The following PTPRD variants were observed in gnomAD, a reference collection of about 807,000 sequenced individuals.
PTPRD encodes the protein protein tyrosine phosphatase receptor type D.
A neutral mutation model predicts 214.5 loss-of-function variants in PTPRD; 34 were observed. The ratio of observed to expected loss-of-function variants is 0.16; its 90% CI spans 0.12 to 0.21. The LOEUF is 0.21. PTPRD is among the 10% of genes least tolerant of loss of function. PTPRD has a pLI of 1.00. For missense variants in PTPRD, 2,545 were observed against 2,398.7 expected (o/e 1.06, Z -1.27); for synonymous variants, 1,128 against 845.7 (o/e 1.33, Z -5.79).
At chr9:8,468,997 C>T (rs911191514) in intron 31 of PTPRD, among the ~76,000 whole-genome samples, 1 of 151,914 alleles carries the variant, frequency 6.6e-6, no homozygotes, top group East Asian at 1.9e-4. Context: ...TATCTTATTT[C>T]TTCCACCATT....
chr9:8,732,241 T>C (rs1406934864), intron 12 of PTPRD, among the ~76,000 whole-genome samples: 2 of 152,224 alleles, frequency 1.3e-5, no homozygotes, highest in East Asian at 3.8e-4. Flanking sequence ...CACTCCTCAG[T>C]AGAAGAACAT....
intron 4 of PTPRD, among the ~76,000 whole-genome samples, chr9:10,017,087 C>G (rs955947264): frequency 4.6e-5 from 7 of 152,166 alleles, no homozygotes; most frequent in Admixed American, 4.6e-4. Context: ...TACATTCCCA[C>G]CAGTAATGTG....
intron 3 of PTPRD, among the ~76,000 whole-genome samples, chr9:10,215,221 C>T (rs1033329543): frequency 6.6e-6 from 1 of 151,264 alleles, no homozygotes; most frequent in African/African-American, 2.4e-5. Context: ...CAGACCTACA[C>T]AGACTGAAGA....
At chr9:9,490,613 G>A (rs1013065064) in intron 8 of PTPRD, among the ~76,000 whole-genome samples, 7 of 151,870 alleles carry the variant, frequency 4.6e-5, no homozygotes, top group South Asian at 2.1e-4. Context: ...GCTTTTAAAG[G>A]AGCAGAACTT....
chr9:9,432,735 T>G (rs1358698170), intron 8 of PTPRD, among the ~76,000 whole-genome samples: 1 of 152,226 alleles, frequency 6.6e-6, no homozygotes, highest in Non-Finnish European at 1.5e-5. Flanking sequence ...TATCATTTAA[T>G]GAATAATGAA....
At chr9:8,775,640 C>A (rs755779605) in intron 11 of PTPRD, among the ~76,000 whole-genome samples, 1 of 152,146 alleles carries the variant, frequency 6.6e-6, no homozygotes, top group Non-Finnish European at 1.5e-5. Context: ...ACTGCATGGG[C>A]ATTTTGCATG....
intron 10 of PTPRD, among the ~76,000 whole-genome samples, chr9:9,043,567 G>A (rs553778403): frequency 2.6e-5 from 4 of 152,158 alleles, no homozygotes; most frequent in East Asian, 1.9e-4. Context: ...AAGAAAAATG[G>A]TCTGACTTTG....
intron 2 of PTPRD, among the ~76,000 whole-genome samples, chr9:10,451,689 T>C (rs964727773): frequency 6.6e-6 from 1 of 150,380 alleles, no homozygotes; most frequent in Non-Finnish European, 1.5e-5. Flanking sequence ...CCTTGTTATA[T>C]TGAAGTCTGT....
intron 5 of PTPRD, among the ~76,000 whole-genome samples, chr9:9,924,368 G>C (rs1279046593): frequency 1.3e-5 from 2 of 152,006 alleles, no homozygotes; most frequent in African/African-American, 4.8e-5. Context: ...GCATAGAGAA[G>C]TGTCAAACAA....
chr9:9,522,157 C>CAAAAAA (rs770450649), intron 8 of PTPRD, among the ~76,000 whole-genome samples: 5 of 40,362 alleles, frequency 1.2e-4, no homozygotes, highest in Admixed American at 2.4e-4. Context: ...ATCTCCATCT[C>CAAAAAA]AAAAAAAAAA....
chr9:10,319,742 GACTAAT>G (rs2096519156), intron 3 of PTPRD, among the ~76,000 whole-genome samples: 1 of 151,856 alleles, frequency 6.6e-6, no homozygotes, highest in South Asian at 2.1e-4. Context: ...TATTAATAAA[GACTAAT>G]TTATAGCAAT....
intron 9 of PTPRD, among the ~76,000 whole-genome samples, chr9:9,224,676 C>A (rs2099958279): frequency 6.6e-6 from 1 of 151,904 alleles, no homozygotes; most frequent in Non-Finnish European, 1.5e-5. Flanking sequence ...TAGTTTATTT[C>A]ATCCATTAAT....
chr9:9,388,693 C>G (rs2064762865), intron 9 of PTPRD, among the ~76,000 whole-genome samples: 1 of 151,998 alleles, frequency 6.6e-6, no homozygotes, highest in Non-Finnish European at 1.5e-5. Context: ...TGAAATCTGC[C>G]ATAAAAAAAT....
At chr9:9,962,167 C>A (rs890930823) in intron 4 of PTPRD, among the ~76,000 whole-genome samples, 1 of 151,990 alleles carries the variant, frequency 6.6e-6, no homozygotes, top group African/African-American at 2.4e-5. Flanking sequence ...TTTCTAAAAT[C>A]ACAAACCAAG....
At chr9:9,309,975 A>G (rs1043492636) in intron 9 of PTPRD, among the ~76,000 whole-genome samples, 1 of 152,078 alleles carries the variant, frequency 6.6e-6, no homozygotes, top group Admixed American at 6.6e-5. Flanking sequence ...CATAGGATTA[A>G]GTTTAAAATC....
intron 8 of PTPRD, among the ~76,000 whole-genome samples, chr9:9,498,973 C>T (rs2096299231): frequency 6.6e-6 from 1 of 151,958 alleles, no homozygotes; most frequent in South Asian, 2.1e-4. Flanking sequence ...CTCTCACTTG[C>T]TCTTGCTGTC....
chr9:9,931,314 C>G (rs2086430590), intron 5 of PTPRD, among the ~76,000 whole-genome samples: 1 of 152,168 alleles, frequency 6.6e-6, no homozygotes, highest in Non-Finnish European at 1.5e-5. Flanking sequence ...ATCTGAGGTA[C>G]AGGGTTCATC....
intron 9 of PTPRD, among the ~76,000 whole-genome samples, chr9:9,222,702 T>G (rs1196430057): frequency 6.6e-6 from 1 of 152,054 alleles, no homozygotes; most frequent in Non-Finnish European, 1.5e-5. Context: ...TTATCAGTCT[T>G]CAAACTATTA....
intron 39 of PTPRD, among the ~76,000 whole-genome samples, chr9:8,351,591 A>T (rs1038547702): frequency 6.6e-6 from 1 of 151,966 alleles, no homozygotes; most frequent in African/African-American, 2.4e-5. Context: ...TGCCTTGCTC[A>T]GTGATGGACT....
Sources: allele counts gnomAD v4.1 joint callset (sites outside exome capture counted in the v4.1 genomes callset), GRCh38; gene constraint gnomAD v4.1.1; transcripts MANE v1.5; gene names NCBI Gene and HGNC (gene_info 2026-07-23, HGNC 2026-07-21).